Variants in SLC39A12 observed in about 807,000 individuals in gnomAD.
The protein encoded by SLC39A12 is zinc transporter ZIP12.
A neutral mutation model predicts 71.1 loss-of-function variants in SLC39A12; 63 were observed. The ratio of observed to expected loss-of-function variants is 0.89; its 90% CI spans 0.72 to 1.09. The LOEUF is 1.09. SLC39A12 is among the 50% of genes least tolerant of loss of function. SLC39A12 has a pLI of 0.00. For missense variants in SLC39A12, 892 were observed against 812.6 expected (o/e 1.10, Z -1.19); for synonymous variants, 351 against 301.3 (o/e 1.16, Z -1.71).
Position 17,987,532 on chromosome 10 carries a change from G to A in SLC39A12, c.1150G>A (p.Gly384Arg). 6.2e-7 allele frequency: 1 copy of A among 1,614,002 alleles called. No homozygotes were observed. Among genetic ancestry groups the A allele is most frequent in the Non-Finnish European group, 8.5e-7 (1 of 1,179,992 alleles). The change falls in exon 7 of 13, where the codon GGG becomes AGG. Residue 384 changes from glycine (G) to arginine (R), a missense_variant. Gly to Arg is a moderately radical substitution (Grantham distance 125). Transcript: ENST00000377369. ...CCTTCTCACACTGGGCTCCATGCTG[G>A]GGACAGCGCTGGTCCTTTTCCATAG... ...VTLLTLGSMLGTALVLFHSCE... is the reference protein window; with the variant it reads ...VTLLTLGSMLRTALVLFHSCE...
intron 12 of SLC39A12, among the ~76,000 whole-genome samples, chr10:18,037,732 G>A (rs1344648953): frequency 2.0e-5 from 3 of 152,066 alleles, no homozygotes; most frequent in Non-Finnish European, 4.4e-5. Flanking sequence ...GCTGCTAGAA[G>A]GCACAGCTAG....
At chr10:17,987,723 A>C in intron 7 of SLC39A12, 72 bp downstream of exon 7, 2 of 1,524,826 alleles carry the variant, frequency 1.3e-6, no homozygotes, top group Non-Finnish European at 1.8e-6. Context: ...GGAGGTATTT[A>C]TGCAAAATTT....
intron 11 of SLC39A12, 68 bp from the exon 12 acceptor site, chr10:18,003,103 T>G: frequency 4.9e-6 from 7 of 1,427,684 alleles, no homozygotes. Flanking sequence ...TAGCTAATAG[T>G]GCGTTACTTT....
rs11011837 is a variant in SLC39A12, at chr10:17,979,336, G to A, written c.924+1262G>A. Among the ~76,000 whole-genome samples the A allele has an allele frequency of 5.9e-3, 901 of 152,282 alleles. 13 individuals carry two copies. The highest frequency in any genetic ancestry group is 0.021 in the African/African-American group (862 of 41,558). On this transcript the variant is annotated intron_variant, in intron 5 of 12. Coordinates refer to ENST00000377369, the MANE Select transcript of SLC39A12 (RefSeq NM_001145195.2). ...ACCAAGGGCGCAGAAGTTTGTAATA[G>A]AATAACCTTACTCTCTGAGAAGGTA... is the stretch of plus-strand genomic sequence containing the variant.
At chr10:18,036,505 G>T (rs1837025966) in intron 12 of SLC39A12, among the ~76,000 whole-genome samples, 1 of 151,862 alleles carries the variant, frequency 6.6e-6, no homozygotes, top group Non-Finnish European at 1.5e-5. Flanking sequence ...CCCTGCTTCG[G>T]CTCACGCACG....
intron 6 of SLC39A12, among the ~76,000 whole-genome samples, chr10:17,987,046 A>T (rs1217617359): frequency 6.6e-6 from 1 of 152,082 alleles, no homozygotes; most frequent in Non-Finnish European, 1.5e-5. Context: ...AAAAATTCCA[A>T]GTTGGGGGCA....
intron 4 of SLC39A12, among the ~76,000 whole-genome samples, chr10:17,976,296 C>A (rs951129202): frequency 1.3e-5 from 2 of 152,174 alleles, no homozygotes; most frequent in Non-Finnish European, 2.9e-5. Flanking sequence ...TATCATTTCA[C>A]TACCCTTCTG....
At chr10:18,029,891 G>A (rs372409849) in intron 12 of SLC39A12, among the ~76,000 whole-genome samples, 1 of 150,868 alleles carries the variant, frequency 6.6e-6, no homozygotes, top group Non-Finnish European at 1.5e-5. Context: ...TAAAATGATG[G>A]AAAAAATATA....
At chr10:18,023,678 G>T (rs1836596409) in intron 12 of SLC39A12, among the ~76,000 whole-genome samples, 1 of 152,182 alleles carries the variant, frequency 6.6e-6, no homozygotes, top group Admixed American at 6.5e-5. Context: ...GCAGTGTGCT[G>T]GGGGTGTCAG....
At chr10:18,018,734 G>T (rs570288485) in intron 12 of SLC39A12, among the ~76,000 whole-genome samples, 8 of 152,126 alleles carry the variant, frequency 5.3e-5, no homozygotes, top group Non-Finnish European at 2.9e-5. Context: ...AATCCCTCTT[G>T]ATTGTAGTTA....
At chr10:17,952,308 AGTGT>A (rs10561356) in intron 1 of SLC39A12, among the ~76,000 whole-genome samples, 42,864 of 150,288 alleles carry the variant, frequency 0.29, 6,269 homozygotes, top group South Asian at 0.34. Context: ...CCACTGAGTG[AGTGT>A]GTGTGTGTGT....
chr10:18,035,646 C>A (rs1216686792), intron 12 of SLC39A12, among the ~76,000 whole-genome samples: 1 of 152,230 alleles, frequency 6.6e-6, no homozygotes, highest in Non-Finnish European at 1.5e-5. Flanking sequence ...CTTCTCTCAG[C>A]TCGTCAAAGT....
chr10:17,978,555 A>G (rs1363532062), intron 5 of SLC39A12, among the ~76,000 whole-genome samples: 2 of 152,136 alleles, frequency 1.3e-5, no homozygotes, highest in African/African-American at 4.8e-5. Context: ...TCTCCATATT[A>G]ATCCATGTTT....
Position 18,000,817 on chromosome 10 carries a change from A to G in SLC39A12, c.1751A>G (p.His584Arg), listed in dbSNP as rs763488097. 1 of 1,613,904 alleles carries G rather than the reference A, an allele frequency of 6.2e-7. No homozygotes were observed. The highest frequency in any genetic ancestry group is 8.5e-7 in the Non-Finnish European group (1 of 1,179,882). Residue 584 changes from histidine to arginine, a missense_variant, in exon 11 of 13, where the codon CAT (histidine) becomes CGT (arginine). Physicochemically the swap from His to Arg is conservative, Grantham distance 29. Transcript: ENST00000377369. ...TIAILCHEIP[H>R]EMGDFAVLLS... Reference sequence around the variant, plus strand: ...GCTATCTTGTGTCATGAAATCCCACATGAAATGGGTAAGTTCAACAATGGA... The same window carrying G: ...GCTATCTTGTGTCATGAAATCCCACGTGAAATGGGTAAGTTCAACAATGGA...
chr10:17,974,325 A>T (rs1364420650), intron 4 of SLC39A12, among the ~76,000 whole-genome samples: 1 of 152,130 alleles, frequency 6.6e-6, no homozygotes, highest in African/African-American at 2.4e-5. Context: ...ACTTGTAGAT[A>T]TTCGTTTGTG....
chr10:18,036,782 A>ATTTTTTTTTTT (rs1564665979), intron 12 of SLC39A12, among the ~76,000 whole-genome samples: 3 of 7,272 alleles, frequency 4.1e-4, no homozygotes, highest in Non-Finnish European at 6.3e-4. Flanking sequence ...ATATATATAT[A>ATTTTTTTTTTT]TATATATATA....
At chr10:18,041,703 A>G (rs1165172397) in intron 12 of SLC39A12, among the ~76,000 whole-genome samples, 9 of 129,018 alleles carry the variant, frequency 7.0e-5, no homozygotes, top group African/African-American at 2.5e-4. Flanking sequence ...ATGTGTATAT[A>G]TATGTATATA....
At chr10:17,971,805 G>A (rs1174455395) in intron 4 of SLC39A12, among the ~76,000 whole-genome samples, 2 of 151,452 alleles carry the variant, frequency 1.3e-5, no homozygotes, top group Non-Finnish European at 2.9e-5. Context: ...TTGATCTTTT[G>A]TATTGTTTTC....
At chr10:17,960,903 G>C (rs938277117) in intron 2 of SLC39A12, among the ~76,000 whole-genome samples, 16 of 152,030 alleles carry the variant, frequency 1.1e-4, no homozygotes, top group African/African-American at 3.9e-4. Context: ...GGATACATAA[G>C]GTTAAAATAT....
Sources: allele counts gnomAD v4.1 joint callset (sites outside exome capture counted in the v4.1 genomes callset), GRCh38; gene constraint gnomAD v4.1.1; transcripts MANE v1.5; gene names NCBI Gene and HGNC (gene_info 2026-07-23, HGNC 2026-07-21).